The following COL4A3 variants were observed in gnomAD, a reference collection of about 807,000 sequenced individuals.
COL4A3 encodes collagen type IV alpha 3 chain, also known as collagen alpha-3(IV) chain.
COL4A3 carries 135 observed loss-of-function variants against 217.4 expected under a neutral mutation model. The ratio of observed to expected loss-of-function variants is 0.62; its 90% CI spans 0.54 to 0.72. The LOEUF is 0.72. COL4A3 is among the 30% of genes least tolerant of loss of function. The pLI is 0.00. For missense variants in COL4A3, 1,868 were observed against 2,119.9 expected, an observed-to-expected ratio of 0.88 and a Z score of 2.33; for synonymous variants, 690 against 736.3, an observed-to-expected ratio of 0.94 and a Z score of 1.02.
In COL4A3 at chr2:227,259,761, C is replaced by A. The variant is rs184143990; in HGVS notation, c.1030-32C>A. ...GGTGAGCTGTCCATAAATAGCTATC[C>A]TTTCTCTGTATTTGTTTCTTTCTCC... On this transcript the variant is annotated intron_variant, in intron 18 of 51. Coordinates refer to ENST00000396578, the MANE Select transcript of COL4A3 (RefSeq NM_000091.5). 53 of 1,472,790 alleles carry A rather than the reference C, an allele frequency of 3.6e-5. No individual in the cohort carries two copies. The East Asian group carries it at 1.2e-3, about 32-fold the overall frequency. The allele number at this position is 1,472,790 out of a possible 1,614,324, so 91.2% of individuals were successfully genotyped here.
chr2:227,301,610 T>C (rs1574830356), intron 43 of COL4A3, among the ~76,000 whole-genome samples: 1 of 152,258 alleles, frequency 6.6e-6, no homozygotes, highest in Non-Finnish European at 1.5e-5. Context: ...CTGGGATATA[T>C]AAAGCTTGGT....
intron 2 of COL4A3, among the ~76,000 whole-genome samples, chr2:227,238,988 T>A (rs114924629): frequency 0.015 from 2,304 of 152,314 alleles, 21 homozygotes; most frequent in Non-Finnish European, 0.024. Context: ...TTCTTTTATT[T>A]CTCTTCTTGT....
intron 1 of COL4A3, among the ~76,000 whole-genome samples, chr2:227,195,654 C>G (rs6713005): frequency 0.61 from 86,740 of 141,434 alleles, 26,577 homozygotes; most frequent in East Asian, 0.65. Flanking sequence ...GTCTATGCCA[C>G]ATATATATAT....
At chr2:227,219,197 C>T (rs1401331861) in intron 1 of COL4A3, among the ~76,000 whole-genome samples, 1 of 152,050 alleles carries the variant, frequency 6.6e-6, no homozygotes, top group Non-Finnish European at 1.5e-5. Context: ...ACGGAGGTTT[C>T]TCCATGTTGG....
intron 8 of COL4A3, chr2:227,248,228 C>T (rs530223546): frequency 2.1e-6 from 1 of 480,512 alleles, no homozygotes; most frequent in South Asian, 2.0e-5. Flanking sequence ...GCATGTGCCA[C>T]TGTACTGGGC....
chr2:227,256,678 C>T (rs2070199492), intron 17 of COL4A3: 5 of 581,966 alleles, frequency 8.6e-6, no homozygotes, highest in Non-Finnish European at 1.6e-5. Context: ...TGAAAAAATC[C>T]TACAATTGTA....
intron 51 of COL4A3, among the ~76,000 whole-genome samples, chr2:227,311,380 C>CTTTTTT (rs11286889): frequency 5.6e-5 from 8 of 141,736 alleles, no homozygotes; most frequent in Non-Finnish European, 6.2e-5. Context: ...AATTTCTCTC[C>CTTTTTT]TTTTTTTTTT....
chr2:227,226,112 G>A (rs1197987111), intron 1 of COL4A3, among the ~76,000 whole-genome samples: 1 of 152,116 alleles, frequency 6.6e-6, no homozygotes, highest in Non-Finnish European at 1.5e-5. Flanking sequence ...TGTGGTTTGG[G>A]GGGTGGGTGA....
chr2:227,177,590 C>G (rs2065725490), intron 1 of COL4A3, among the ~76,000 whole-genome samples: 1 of 152,186 alleles, frequency 6.6e-6, no homozygotes, highest in African/African-American at 2.4e-5. Context: ...CGGTAGTCCT[C>G]CCTTATCTGC....
At chr2:227,310,612 G>C (rs992583879) in intron 50 of COL4A3, among the ~76,000 whole-genome samples, 164 bp from the exon 51 acceptor site, 1 of 152,168 alleles carries the variant, frequency 6.6e-6, no homozygotes, top group South Asian at 2.1e-4. Context: ...GAGTCACTGC[G>C]CCTGGCCACA....
In COL4A3 at chr2:227,191,162, C is replaced by T. The variant is rs2066225603; in HGVS notation, c.87+26349C>T. 1.3e-5 allele frequency among the ~76,000 whole-genome samples: 2 copies of T among 152,038 alleles called. No individual in the cohort carries two copies. Among genetic ancestry groups the T allele is most frequent in the African/African-American group, 4.8e-5 (2 of 41,390 alleles). ...CATTTAAATTTTCTCAACCACTTTG[C>T]TCTTTTTGGATACTTGGGGAATAAC... On this transcript the variant is annotated intron_variant, in intron 1 of 51. Coordinates refer to ENST00000396578, the MANE Select transcript of COL4A3 (RefSeq NM_000091.5). The surrounding 1 kb of genome is among the most constrained non-coding windows in gnomAD (Gnocchi z 6.8).
chr2:227,240,007 AT>A (rs1471984151), intron 2 of COL4A3, 135 bp from the exon 3 acceptor site: 2 of 863,308 alleles, frequency 2.3e-6, no homozygotes, highest in Non-Finnish European at 1.9e-6. Flanking sequence ...GCTAATTATG[AT>A]TTTTTTAATC....
At chr2:227,165,154 A>T (rs2065192035) in intron 1 of COL4A3, among the ~76,000 whole-genome samples, 1 of 152,112 alleles carries the variant, frequency 6.6e-6, no homozygotes, top group Non-Finnish European at 1.5e-5. Flanking sequence ...AGAACACCGG[A>T]TGTGGAGATG....
At chr2:227,233,359 A>G (rs1034695708) in intron 1 of COL4A3, among the ~76,000 whole-genome samples, 13 of 152,126 alleles carry the variant, frequency 8.5e-5, no homozygotes. Flanking sequence ...TAAAACTGGA[A>G]TTTGTTGATG....
At chr2:227,298,283 C>T (rs541572052) in intron 42 of COL4A3, among the ~76,000 whole-genome samples, 49 of 152,126 alleles carry the variant, frequency 3.2e-4, no homozygotes, top group Non-Finnish European at 6.5e-4. Context: ...ACCTGGGAGG[C>T]AGAGGCTGCA....
At chr2:227,262,771 C>T (rs1004814604) in intron 20 of COL4A3, among the ~76,000 whole-genome samples, 1 of 152,112 alleles carries the variant, frequency 6.6e-6, no homozygotes, top group Non-Finnish European at 1.5e-5. Flanking sequence ...ATTTGTTTAT[C>T]GGCTCTAAGA....
intron 30 of COL4A3, 94 bp downstream of exon 30, chr2:227,280,684 C>CCCAT: frequency 7.1e-7 from 1 of 1,408,766 alleles, no homozygotes; most frequent in Non-Finnish European, 1.0e-6. Context: ...GAAGAATTCT[C>CCCAT]CCATCCAATG....
chr2:227,171,156 C>T (rs2065460269), intron 1 of COL4A3, among the ~76,000 whole-genome samples: 1 of 152,194 alleles, frequency 6.6e-6, no homozygotes, highest in Admixed American at 6.5e-5. Context: ...AGAAGTCACC[C>T]TTGCATCTGT....
chr2:227,254,270 T>A (rs2070004289), intron 14 of COL4A3, 96 bp downstream of exon 14: 34 of 1,079,306 alleles, frequency 3.2e-5, no homozygotes, highest in East Asian at 7.5e-5. Flanking sequence ...TTTTTTTTTT[T>A]AAAGAAAGTA....
Sources: gnomAD v4.1 joint callset for allele counts (sites outside exome capture counted in the v4.1 genomes callset) on GRCh38, gnomAD v4.1.1 for gene constraint, Gnocchi (gnomAD v3.1) non-coding constraint, MANE v1.5 for transcripts, NCBI Gene and HGNC (gene_info 2026-07-23, HGNC 2026-07-21) for gene names.